Variants in RUSF1 observed in about 807,000 individuals in gnomAD.
The protein encoded by RUSF1 is RUS family member 1.
A neutral mutation model predicts 63.0 loss-of-function variants in RUSF1; 58 were observed. The observed-to-expected ratio is 0.92, with a 90% CI of 0.75 to 1.15. The LOEUF (loss-of-function observed/expected upper bound fraction) is 1.15, where lower values mean the gene tolerates loss of function less well. Ranked by LOEUF, RUSF1 falls within the 50% of genes most tolerant of loss-of-function variation. The pLI is 0.00. For missense variants in RUSF1, 652 were observed against 611.0 expected (o/e 1.07, Z -0.71); for synonymous variants, 274 against 255.8 (o/e 1.07, Z -0.68).
chr16:31,492,957 G>A (rs747414450), intron 10 of RUSF1, 21 bp downstream of exon 10: 27 of 1,598,484 alleles, frequency 1.7e-5, no homozygotes, highest in Non-Finnish European at 2.1e-5. Context: ...GTCTTAGGCT[G>A]GGAGAATGAG....
intron 9 of RUSF1, 96 bp downstream of exon 9, chr16:31,493,371 A>C: frequency 1.4e-6 from 2 of 1,439,902 alleles, no homozygotes; most frequent in Admixed American, 3.9e-5. Context: ...AACCCAGGAC[A>C]GAGAGGTGGG....
Position 31,499,394 on chromosome 16 carries a change from T to G in RUSF1, c.508A>C (p.Ile170Leu). 1 of 1,613,998 alleles carries G rather than the reference T, an allele frequency of 6.2e-7. No individual in the cohort carries two copies. The highest frequency in any genetic ancestry group is 8.5e-7 in the Non-Finnish European group (1 of 1,179,952). ...AGGAACATGGCTACGTCATTGAGGA[T>G]GTCCGCAAAAAGCCTGGGGAGGGAT... ...NAKQWRLFAD[I>L]LNDVAMFLEI... is the part of the protein sequence containing the mutation. The change falls in exon 5 of 13, where the codon ATC becomes CTC. Residue 170 changes from isoleucine (I) to leucine (L), a missense_variant. Physicochemically the swap from Ile to Leu is conservative, Grantham distance 5. Transcript: ENST00000327237.
At chr16:31,492,924 G>T in intron 10 of RUSF1, 54 bp downstream of exon 10, 6 of 1,542,182 alleles carry the variant, frequency 3.9e-6, no homozygotes, top group Non-Finnish European at 5.3e-6. Context: ...TTGGAGGAAT[G>T]AGAGGCTGAC....
At chr16:31,504,318 G>C (rs1567399436) in intron 2 of RUSF1, among the ~76,000 whole-genome samples, 3 of 152,154 alleles carry the variant, frequency 2.0e-5, no homozygotes, top group African/African-American at 7.2e-5. Context: ...GCCCAGGCTG[G>C]AGTGCAGTGG....
intron 2 of RUSF1, among the ~76,000 whole-genome samples, chr16:31,506,328 T>C (rs1333197750): frequency 6.6e-6 from 1 of 152,236 alleles, no homozygotes; most frequent in Non-Finnish European, 1.5e-5. Context: ...TCTCATTATA[T>C]ACATGAAGAT....
Position 31,507,881 on chromosome 16 carries a change from G to A in RUSF1, c.301-3C>T. ...CCGGAGAGGCTGGAAGCAAACGCCT[G>A]GAGAAGAAAACAAGTAGGGTGAGAA... On this transcript the variant is annotated splice_polypyrimidine_tract_variant and splice_region_variant and intron_variant, in intron 1 of 12. Transcript: ENST00000327237. The A allele has an allele frequency of 1.3e-6, 2 of 1,555,190 alleles. No homozygotes were observed. Among genetic ancestry groups the A allele is most frequent in the Non-Finnish European group, 1.7e-6 (2 of 1,148,834 alleles).
Position 31,508,227 on chromosome 16 carries a change from C to T in RUSF1, c.147G>A (p.Thr49=). 1 of 1,563,922 alleles carries T rather than the reference C, an allele frequency of 6.4e-7. No homozygotes were observed. Among genetic ancestry groups the T allele is most frequent in the South Asian group, 1.2e-5 (1 of 85,442 alleles). The change falls in exon 1 of 13, where the codon ACG becomes ACA. Residue 49 remains threonine, a synonymous_variant. Coordinates refer to ENST00000327237, the MANE Select transcript of RUSF1 (RefSeq NM_022744.4). Reference sequence around the variant, plus strand: ...CCGCATCTCGTCCTTCAGGTTTGACCGTGAAGGCCCTGGAGAGCCCCCACC... The same window carrying T: ...CCGCATCTCGTCCTTCAGGTTTGACTGTGAAGGCCCTGGAGAGCCCCCACC... The part of the protein sequence containing the change: ...WRWWGLSRAF[T]VKPEGRDAGE...
intron 2 of RUSF1, among the ~76,000 whole-genome samples, 153 bp downstream of exon 2, chr16:31,507,611 T>G (rs2082666784): frequency 6.6e-6 from 1 of 152,130 alleles, no homozygotes; most frequent in Admixed American, 6.5e-5. Context: ...ATGTGGGAAG[T>G]AAGACTGGGT....
At chr16:31,494,008 C>T (rs1402193944) in intron 6 of RUSF1, 72 bp from the exon 7 acceptor site, 1 of 1,498,270 alleles carries the variant, frequency 6.7e-7, no homozygotes, top group South Asian at 1.2e-5. Context: ...GAGTGCCTTT[C>T]ACCTCATCCT....
intron 3 of RUSF1, among the ~76,000 whole-genome samples, chr16:31,500,060 G>A (rs2082624848): frequency 6.6e-6 from 1 of 152,154 alleles, no homozygotes; most frequent in Admixed American, 6.5e-5. Context: ...CAACACCGTG[G>A]ACGGCTACCT....
Position 31,490,101 on chromosome 16 carries a change from C to G in RUSF1, c.*734G>C, listed in dbSNP as rs1229425812. The G allele has an allele frequency of 1.9e-6, 3 of 1,613,620 alleles. No individual in the cohort carries two copies. In the South Asian group the frequency reaches 3.3e-5, roughly 18 times the overall value. On this transcript the variant is annotated 3_prime_UTR_variant, in exon 13 of 13. Transcript: ENST00000327237. ...ACCTCGTTCGTGCTCCCACCCTCCCCAGCTCCACCGCCTGGTCTTCAGTCT... is the reference window on the plus strand; with the variant it reads ...ACCTCGTTCGTGCTCCCACCCTCCCGAGCTCCACCGCCTGGTCTTCAGTCT...
Position 31,490,796 on chromosome 16 carries a change from C to T in RUSF1, c.*39G>A. 6.2e-7 allele frequency: 1 copy of T among 1,606,106 alleles called. No individual in the cohort carries two copies. The highest frequency in any genetic ancestry group is 8.5e-7 in the Non-Finnish European group (1 of 1,172,920). ...TGCTGTGGCCAAAGTGTCCTTGCTC[C>T]AGGTTCCTGCCCTGGGCTTGGGCCT... On this transcript the variant is annotated 3_prime_UTR_variant, in exon 13 of 13. Coordinates refer to ENST00000327237, the MANE Select transcript of RUSF1 (RefSeq NM_022744.4).
At chr16:31,502,443 TGGGAG>T (rs2142658227) in intron 2 of RUSF1, among the ~76,000 whole-genome samples, 1 of 152,308 alleles carries the variant, frequency 6.6e-6, no homozygotes, top group East Asian at 1.9e-4. Flanking sequence ...CCTGAGACTT[TGGGAG>T]GGATCATTCC....
Position 31,491,612 on chromosome 16 carries a change from G to A in RUSF1, c.1309+397C>T, listed in dbSNP as rs28404926. Among the ~76,000 whole-genome samples the A allele has an allele frequency of 8.8e-3, 1,286 of 146,500 alleles. 13 individuals carry two copies. The highest frequency in any genetic ancestry group is 0.031 in the African/African-American group (1,212 of 39,392). The stretch of plus-strand genomic sequence containing the variant: ...ATTACAGGTGTGAGCCACTGTGCCC[G>A]ACAGTCTTTTTTTTTTTTTTTTTTT... On this transcript the variant is annotated intron_variant, in intron 12 of 12. Transcript: ENST00000327237.
At chr16:31,503,204 C>A (rs1438011302) in intron 2 of RUSF1, among the ~76,000 whole-genome samples, 1 of 152,186 alleles carries the variant, frequency 6.6e-6, no homozygotes, top group South Asian at 2.1e-4. Flanking sequence ...CAGCTGACCA[C>A]AAATTGTACT....
chr16:31,490,446 A>C lies in RUSF1; in HGVS notation c.*389T>G. On this transcript the variant is annotated 3_prime_UTR_variant, in exon 13 of 13. Coordinates refer to ENST00000327237, the MANE Select transcript of RUSF1 (RefSeq NM_022744.4). ...AGCAGCCAGGCGGCTGGAGGACATC[A>C]GCGAGGACCCGAGCTGGGCCCGTGT... 1 of 1,613,964 alleles carries C rather than the reference A, an allele frequency of 6.2e-7. No homozygotes were observed. Among genetic ancestry groups the C allele is most frequent in the Non-Finnish European group, 8.5e-7 (1 of 1,180,000 alleles).
Position 31,490,772 on chromosome 16 carries a change from G to A in RUSF1, c.*63C>T, listed in dbSNP as rs1596623532. The A allele has an allele frequency of 1.9e-6, 3 of 1,561,792 alleles. No homozygotes were observed. Among genetic ancestry groups the A allele is most frequent in the South Asian group, 1.1e-5 (1 of 89,998 alleles). The stretch of plus-strand genomic sequence containing the variant: ...AATAAAGCTGCCTTTCCCCTGTCCT[G>A]CTGTGGCCAAAGTGTCCTTGCTCCA... On this transcript the variant is annotated 3_prime_UTR_variant, in exon 13 of 13. Transcript: ENST00000327237.
intron 2 of RUSF1, among the ~76,000 whole-genome samples, chr16:31,501,580 C>T (rs2082633205): frequency 1.4e-5 from 2 of 145,144 alleles, no homozygotes; most frequent in South Asian, 4.4e-4. Flanking sequence ...GATGACAGAG[C>T]AAGACCCAGT....
rs1382051063 is a variant in RUSF1, at chr16:31,490,889, C to T, written c.1353G>A (p.Glu451=). Residue 451 remains glutamate, a synonymous_variant, in exon 13 of 13, where the codon GAG becomes GAA. Transcript: ENST00000327237. ...GCCATGTGGCCCTCCACTCATCCAC[C>T]TCTAGCTGGTGCTTCTCGGTCTTCC... The part of the protein sequence containing the change: ...AGWKTEKHQL[E]VDEWRATWLL... The T allele has an allele frequency of 6.2e-7, 1 of 1,614,188 alleles. No homozygotes were observed. The highest frequency in any genetic ancestry group is 1.7e-5 in the Admixed American group (1 of 60,032).
Sources: allele counts gnomAD v4.1 joint callset (sites outside exome capture counted in the v4.1 genomes callset), GRCh38; gene constraint gnomAD v4.1.1; transcripts MANE v1.5; gene names NCBI Gene and HGNC (gene_info 2026-07-23, HGNC 2026-07-21).